GPHN: variants seen among roughly 807,000 people sequenced by gnomAD.
GPHN encodes the protein gephyrin.
Under a neutral mutation model 95.5 loss-of-function variants are expected in GPHN, and 17 were observed. That is an observed-to-expected ratio of 0.18 (90% CI 0.12 to 0.27). The LOEUF is 0.27. Among genes scored for constraint, GPHN ranks in the 10% least tolerant of loss-of-function variants. GPHN has a pLI of 1.00. For synonymous variants in GPHN, 320 were observed against 322.5 expected (o/e 0.99, Z 0.08); for missense variants, 660 against 978.1 (o/e 0.67, Z 4.34).
chr14:66,889,454 A>C (rs537111819), intron 5 of GPHN, among the ~76,000 whole-genome samples: 33 of 152,330 alleles, frequency 2.2e-4, no homozygotes, highest in African/African-American at 7.9e-4. Flanking sequence ...GTTCGAAATC[A>C]GTGACAGAAG....
chr14:67,575,749 C>A, the GPHN span: 2 of 1,101,216 alleles, frequency 1.8e-6, no homozygotes, highest in South Asian at 1.5e-5. Context: ...CTTCACGGAG[C>A]CTATGTATTC....
the GPHN span, among the ~76,000 whole-genome samples, chr14:67,432,268 G>C: frequency 6.6e-6 from 1 of 152,348 alleles, no homozygotes; most frequent in South Asian, 2.1e-4. Context: ...CCAGAGTTAG[G>C]CATCTAAAGA....
intron 3 of GPHN, among the ~76,000 whole-genome samples, chr14:66,814,211 A>T (rs2060874255): frequency 6.6e-6 from 1 of 152,116 alleles, no homozygotes; most frequent in Non-Finnish European, 1.5e-5. Flanking sequence ...ACAGCAGATC[A>T]TCCCACACCC....
intron 17 of GPHN, among the ~76,000 whole-genome samples, chr14:67,135,736 C>A (rs2080040070): frequency 6.6e-6 from 1 of 151,818 alleles, no homozygotes; most frequent in Non-Finnish European, 1.5e-5. Context: ...TAAACCTTTT[C>A]AATTTCCAAG....
At chr14:67,734,815 C>T in the GPHN span, among the ~76,000 whole-genome samples, 23 of 152,308 alleles carry the variant, frequency 1.5e-4, no homozygotes, top group African/African-American at 4.6e-4. Context: ...CTATTCTCTG[C>T]GTTATCCCCA....
At chr14:66,879,209 G>A (rs2063813117) in intron 4 of GPHN, among the ~76,000 whole-genome samples, 1 of 152,012 alleles carries the variant, frequency 6.6e-6, no homozygotes, top group South Asian at 2.1e-4. Context: ...GCCTGTCAGG[G>A]GATGGAGGGT....
intron 1 of GPHN, among the ~76,000 whole-genome samples, chr14:66,599,408 TG>T (rs1167586886): frequency 5.0e-4 from 74 of 147,508 alleles, no homozygotes; most frequent in Middle Eastern, 7.1e-3. Flanking sequence ...TTTTTTTTTT[TG>T]CTAGATGCAG....
At chr14:66,885,660 T>C (rs1193344194) in intron 5 of GPHN, among the ~76,000 whole-genome samples, 2 of 152,102 alleles carry the variant, frequency 1.3e-5, no homozygotes, top group Non-Finnish European at 2.9e-5. Flanking sequence ...TACATTTTTC[T>C]TCTTCTCTTT....
At chr14:67,582,093 A>C in the GPHN span, 3 of 1,612,284 alleles carry the variant, frequency 1.9e-6, no homozygotes, top group Non-Finnish European at 2.5e-6. The surrounding 1 kb of genome is among the most constrained non-coding windows in gnomAD (Gnocchi z 5.0). Flanking sequence ...GTCAAGTCAA[A>C]GGGGAGACGG....
At chr14:66,891,762 A>ATATAT (rs372757883) in intron 5 of GPHN, among the ~76,000 whole-genome samples, 3 of 150,750 alleles carry the variant, frequency 2.0e-5, no homozygotes, top group African/African-American at 4.9e-5. Context: ...ATATATATAT[A>ATATAT]TTTTTTTTAA....
At chr14:67,544,571 C>T in the GPHN span, among the ~76,000 whole-genome samples, 1 of 152,164 alleles carries the variant, frequency 6.6e-6, no homozygotes, top group South Asian at 2.1e-4. Flanking sequence ...AATAATGGAA[C>T]TGTTGGCAAG....
At chr14:67,309,778 G>A in the GPHN span, among the ~76,000 whole-genome samples, 1 of 152,054 alleles carries the variant, frequency 6.6e-6, no homozygotes, top group Non-Finnish European at 1.5e-5. Context: ...TCTGAGGTGC[G>A]GCATGAGAAT....
At chr14:66,591,186 C>T (rs547259933) in intron 1 of GPHN, among the ~76,000 whole-genome samples, 3 of 152,212 alleles carry the variant, frequency 2.0e-5, no homozygotes, top group South Asian at 2.1e-4. Flanking sequence ...ATGACAAACC[C>T]GCAGCCAATA....
At chr14:67,085,528 T>C (rs187441025) in intron 11 of GPHN, among the ~76,000 whole-genome samples, 1 of 152,276 alleles carries the variant, frequency 6.6e-6, no homozygotes, top group African/African-American at 2.4e-5. Context: ...ACTTAGCATA[T>C]TAAATATAAA....
chr14:66,961,604 G>T (rs750669103), intron 8 of GPHN, among the ~76,000 whole-genome samples: 34 of 151,428 alleles, frequency 2.2e-4, no homozygotes, highest in Non-Finnish European at 4.1e-4. Context: ...AATGGGCAAG[G>T]ATTTGAACGG....
At chr14:66,852,796 A>C (rs2062643534) in intron 4 of GPHN, among the ~76,000 whole-genome samples, 1 of 152,220 alleles carries the variant, frequency 6.6e-6, no homozygotes, top group Non-Finnish European at 1.5e-5. Flanking sequence ...ATAAAAAATA[A>C]AATTAGTGAA....
chr14:67,292,907 A>T, the GPHN span, among the ~76,000 whole-genome samples: 5 of 152,332 alleles, frequency 3.3e-5, no homozygotes, highest in East Asian at 9.6e-4. Context: ...AGTTTACTTC[A>T]GAGTCAGAAC....
chr14:66,904,755 A>C (rs2065292010), intron 5 of GPHN, among the ~76,000 whole-genome samples: 1 of 152,146 alleles, frequency 6.6e-6, no homozygotes, highest in African/African-American at 2.4e-5. Context: ...TAGGCCAGCC[A>C]AAGGGTCAGT....
At chr14:66,600,586 T>C (rs2062186529) in intron 1 of GPHN, among the ~76,000 whole-genome samples, 2 of 152,090 alleles carry the variant, frequency 1.3e-5, no homozygotes, top group African/African-American at 4.8e-5. Context: ...GATTCATTAA[T>C]ATTGAACTCA....
Sources: allele counts gnomAD v4.1 joint callset (sites outside exome capture counted in the v4.1 genomes callset), GRCh38; gene constraint gnomAD v4.1.1; non-coding constraint Gnocchi (gnomAD v3.1); transcripts MANE v1.5; gene names NCBI Gene and HGNC (gene_info 2026-07-23, HGNC 2026-07-21).